Variants in GJB7 observed in about 807,000 individuals in gnomAD.
The protein encoded by GJB7 is gap junction beta-7 protein.
For missense variants in GJB7, 253 were observed against 256.8 expected, an observed-to-expected ratio of 0.99 and a Z score of 0.10; for synonymous variants, 87 against 95.2, an observed-to-expected ratio of 0.91 and a Z score of 0.50.
chr6:87,284,752 T>C lies in GJB7; in HGVS notation c.161A>G (p.Asn54Ser), dbSNP rs1178863449. The change falls in exon 3 of 3, where the codon AAC becomes AGC. Residue 54 changes from asparagine (N) to serine (S), a missense_variant. By Grantham distance (46) the Asn-to-Ser change is conservative (BLOSUM62 1). Coordinates refer to ENST00000525899, the MANE Select transcript of GJB7 (RefSeq NM_198568.3). The stretch of plus-strand genomic sequence containing the variant: ...ATTTTTGCAACCGGGCTGTCTACTG[T>C]TGCACTCAAACTCTTTCTGCTCATC... ...WKDEQKEFECNSRQPGCKNVC... is the reference protein window; with the variant it reads ...WKDEQKEFECSSRQPGCKNVC... The C allele has an allele frequency of 6.8e-6, 11 of 1,614,022 alleles. No homozygotes were observed. Among genetic ancestry groups the C allele is most frequent in the African/African-American group, 1.3e-5 (1 of 74,898 alleles).
chr6:87,323,720 T>C (rs1776735179), intron 1 of GJB7, among the ~76,000 whole-genome samples: 1 of 152,178 alleles, frequency 6.6e-6, no homozygotes, highest in Admixed American at 6.5e-5. Flanking sequence ...TTGTGAATAA[T>C]GCCGCAATAA....
rs1180298698 is a variant in GJB7 at position 87,308,453 on chromosome 6, T to C, written c.-28+14413A>G. Among the ~76,000 whole-genome samples, 3 of 152,208 alleles carry C rather than the reference T, an allele frequency of 2.0e-5. No homozygotes were observed. The East Asian group carries it at 5.8e-4, about 29-fold the overall frequency. Reference sequence around the variant, plus strand: ...GCAAAAGATAGCTTTAACAGCAGATTAACTGAAAAAAGATTTATTAATCTG... The same window carrying C: ...GCAAAAGATAGCTTTAACAGCAGATCAACTGAAAAAAGATTTATTAATCTG... On this transcript the variant is annotated intron_variant, in intron 2 of 2. Transcript: ENST00000525899.
At chr6:87,289,810 A>G (rs1776135306) in intron 2 of GJB7, among the ~76,000 whole-genome samples, 1 of 152,194 alleles carries the variant, frequency 6.6e-6, no homozygotes, top group Admixed American at 6.5e-5. Flanking sequence ...GGTTCAGGCA[A>G]TGTCAAGCTG....
intron 2 of GJB7, among the ~76,000 whole-genome samples, chr6:87,309,052 T>C (rs1168775732): frequency 2.0e-5 from 3 of 152,210 alleles, no homozygotes; most frequent in Non-Finnish European, 4.4e-5. Flanking sequence ...TTCCCTTTCT[T>C]GCATGTTTCC....
intron 2 of GJB7, 50 bp from the exon 3 acceptor site, chr6:87,284,989 A>C: frequency 8.5e-7 from 1 of 1,176,612 alleles, no homozygotes; most frequent in Admixed American, 2.2e-5. Context: ...TATTCTACAG[A>C]TCGTTTCTAC....
rs918929012 is a variant in GJB7, at chr6:87,283,306, A to G, written c.*935T>C. 3 of 152,218 alleles carry G rather than the reference A, an allele frequency of 2.0e-5. No individual in the cohort carries two copies. The highest frequency in any genetic ancestry group is 4.4e-5 in the Non-Finnish European group (3 of 68,032). The allele number at this position is 152,218 out of a possible 1,614,324, so 9.4% of individuals were successfully genotyped here. A position where few individuals can be genotyped will look rare whatever the true frequency, so the allele number is the denominator to read the frequency against. On this transcript the variant is annotated 3_prime_UTR_variant, in exon 3 of 3. Coordinates refer to ENST00000525899, the MANE Select transcript of GJB7 (RefSeq NM_198568.3). ...TTTCAATGTTCTTTTGGTTAAATAG[A>G]AGTCTTAAGTAATTATCAAGTGGGC...
intron 1 of GJB7, among the ~76,000 whole-genome samples, 156 bp from the exon 2 acceptor site, chr6:87,323,199 G>C (rs1273151800): frequency 1.3e-5 from 2 of 152,350 alleles, no homozygotes; most frequent in African/African-American, 4.8e-5. Context: ...GCTGTCGCCA[G>C]CAAAGCCTTT....
intron 2 of GJB7, among the ~76,000 whole-genome samples, chr6:87,308,365 T>TA (rs1428123200): frequency 6.6e-6 from 1 of 152,136 alleles, no homozygotes; most frequent in Non-Finnish European, 1.5e-5. Flanking sequence ...CCCTAGAACT[T>TA]AAAGTATAAT....
intron 2 of GJB7, among the ~76,000 whole-genome samples, chr6:87,295,951 G>A (rs1200994558): frequency 1.3e-5 from 2 of 152,224 alleles, no homozygotes; most frequent in Non-Finnish European, 2.9e-5. Flanking sequence ...TTCAGGGTTT[G>A]ACAGGGCTTT....
chr6:87,313,368 C>A (rs1456169746), intron 2 of GJB7, among the ~76,000 whole-genome samples: 1 of 152,268 alleles, frequency 6.6e-6, no homozygotes, highest in East Asian at 1.9e-4. Flanking sequence ...TTTATTATAG[C>A]TAATGCATGT....
intron 2 of GJB7, among the ~76,000 whole-genome samples, chr6:87,313,328 C>G (rs1776536738): frequency 6.6e-6 from 1 of 152,172 alleles, no homozygotes; most frequent in Admixed American, 6.5e-5. Context: ...CATTATGGGA[C>G]ACCCTTTTAG....
chr6:87,294,489 G>A (rs2127900286), intron 2 of GJB7, among the ~76,000 whole-genome samples: 1 of 152,390 alleles, frequency 6.6e-6, no homozygotes, highest in Middle Eastern at 3.4e-3. Context: ...AGAGCTGGCT[G>A]CAGTGATGGA....
intron 1 of GJB7, among the ~76,000 whole-genome samples, chr6:87,324,663 G>A (rs1776770626): frequency 6.6e-6 from 1 of 150,616 alleles, no homozygotes; most frequent in Middle Eastern, 3.4e-3. Flanking sequence ...TGCTGTTTTG[G>A]TTACTGTAGC....
intron 2 of GJB7, among the ~76,000 whole-genome samples, chr6:87,292,804 C>T (rs1405052002): frequency 6.6e-6 from 1 of 152,114 alleles, no homozygotes; most frequent in Non-Finnish European, 1.5e-5. Context: ...CAGAGAGTGG[C>T]CTGCTTTAGG....
intron 2 of GJB7, among the ~76,000 whole-genome samples, chr6:87,317,045 T>C (rs544936407): frequency 2.5e-4 from 38 of 152,222 alleles, no homozygotes; most frequent in African/African-American, 9.1e-4. Flanking sequence ...TAGAATCTTG[T>C]GCAAATCACT....
At chr6:87,309,837 C>T (rs1481550395) in intron 2 of GJB7, among the ~76,000 whole-genome samples, 1 of 152,130 alleles carries the variant, frequency 6.6e-6, no homozygotes. Flanking sequence ...CTTGCTGAAA[C>T]TTGTGACTAC....
intron 1 of GJB7, among the ~76,000 whole-genome samples, chr6:87,325,327 G>A (rs1776790248): frequency 7.0e-6 from 1 of 143,096 alleles, no homozygotes; most frequent in South Asian, 2.2e-4. Flanking sequence ...GTGAGAGAGG[G>A]CATCCCTGTC....
intron 2 of GJB7, among the ~76,000 whole-genome samples, chr6:87,295,294 C>T (rs1353089556): frequency 6.6e-6 from 1 of 152,144 alleles, no homozygotes; most frequent in Admixed American, 6.5e-5. Context: ...AAGTGCCTGG[C>T]AATTCTCAGT....
intron 2 of GJB7, among the ~76,000 whole-genome samples, chr6:87,315,063 T>G (rs1256925710): frequency 6.6e-6 from 1 of 152,178 alleles, no homozygotes; most frequent in African/African-American, 2.4e-5. Context: ...CTCATTTAAT[T>G]AGCCACCATT....
Sources: allele counts gnomAD v4.1 joint callset (sites outside exome capture counted in the v4.1 genomes callset), GRCh38; gene constraint gnomAD v4.1.1; transcripts MANE v1.5; gene names NCBI Gene and HGNC (gene_info 2026-07-23, HGNC 2026-07-21).